The following THSD7B variants were observed in gnomAD, a reference collection of about 807,000 sequenced individuals.
THSD7B encodes thrombospondin type-1 domain-containing protein 7B.
THSD7B carries 138 observed loss-of-function variants against 213.6 expected under a neutral mutation model. The observed-to-expected ratio is 0.65, with a 90% CI of 0.56 to 0.74. The LOEUF is 0.74. THSD7B is among the 30% of genes least tolerant of loss of function. THSD7B has a pLI of 0.00. For synonymous variants in THSD7B, 742 were observed against 687.0 expected (o/e 1.08, Z -1.25); for missense variants, 1,931 against 1,991.5 (o/e 0.97, Z 0.58).
intron 14 of THSD7B, among the ~76,000 whole-genome samples, chr2:137,438,348 G>A (rs560969704): frequency 1.9e-4 from 29 of 152,074 alleles, no homozygotes; most frequent in East Asian, 3.9e-4. Flanking sequence ...GGTCAATACC[G>A]TTTAATGCTC....
At chr2:137,071,032 T>C (rs1037502991) in intron 3 of THSD7B, among the ~76,000 whole-genome samples, 1 of 152,206 alleles carries the variant, frequency 6.6e-6, no homozygotes, top group Non-Finnish European at 1.5e-5. Context: ...TACGTGTGCA[T>C]GTGTCTTTAT....
chr2:137,326,250 G>A (rs1015282274), intron 12 of THSD7B, among the ~76,000 whole-genome samples: 2 of 152,164 alleles, frequency 1.3e-5, no homozygotes, highest in Non-Finnish European at 2.9e-5. Context: ...ATGCCCTTCA[G>A]AAGGGTAAGA....
At chr2:137,537,046 C>A (rs960997093) in intron 15 of THSD7B, among the ~76,000 whole-genome samples, 3 of 151,730 alleles carry the variant, frequency 2.0e-5, no homozygotes, top group African/African-American at 7.3e-5. Flanking sequence ...TCTGGACAAA[C>A]CAAAATGCGT....
chr2:137,208,550 A>T (rs957634936), intron 7 of THSD7B, among the ~76,000 whole-genome samples: 12 of 151,892 alleles, frequency 7.9e-5, no homozygotes, highest in African/African-American at 2.9e-4. Flanking sequence ...ATTTAACTTA[A>T]CCACCCAGCA....
intron 1 of THSD7B, among the ~76,000 whole-genome samples, chr2:136,852,093 C>T (rs938476550): frequency 6.6e-6 from 1 of 151,884 alleles, no homozygotes; most frequent in East Asian, 1.9e-4. Context: ...TTTAAATGGG[C>T]CCAATCTAAT....
At chr2:136,776,960 G>C (rs930088748) in intron 1 of THSD7B, among the ~76,000 whole-genome samples, 2 of 152,036 alleles carry the variant, frequency 1.3e-5, no homozygotes, top group African/African-American at 4.8e-5. Flanking sequence ...GGAGAGAAGA[G>C]GAGGCAAACG....
intron 14 of THSD7B, among the ~76,000 whole-genome samples, chr2:137,444,827 A>G (rs1330831216): frequency 1.3e-5 from 2 of 152,210 alleles, no homozygotes; most frequent in East Asian, 3.9e-4. Flanking sequence ...CAAAATGAAG[A>G]GACAACCTAC....
At chr2:137,317,347 C>T (rs896730527) in intron 12 of THSD7B, among the ~76,000 whole-genome samples, 2 of 152,116 alleles carry the variant, frequency 1.3e-5, no homozygotes, top group African/African-American at 4.8e-5. Flanking sequence ...TTCTCGTAAA[C>T]CTCTTTATAA....
rs181339513 is a variant in THSD7B at position 137,178,694 on chromosome 2, G to A, written c.1723+7756G>A. Reference sequence around the variant, plus strand: ...ATTTGACGTGAAGGTGGGAGTAGATGTAAACTGGTGAATCAATTTAAATGC... The same window carrying A: ...ATTTGACGTGAAGGTGGGAGTAGATATAAACTGGTGAATCAATTTAAATGC... On this transcript the variant is annotated intron_variant, in intron 7 of 27. Transcript: ENST00000409968. 1.9e-3 allele frequency among the ~76,000 whole-genome samples: 295 copies of A among 152,332 alleles called. 3 individuals carry two copies. Among genetic ancestry groups the A allele is most frequent in the Non-Finnish European group, 1.7e-3 (119 of 68,024 alleles).
chr2:137,313,016 A>G (rs1395612965), intron 12 of THSD7B, among the ~76,000 whole-genome samples: 2 of 150,374 alleles, frequency 1.3e-5, no homozygotes, highest in Admixed American at 6.6e-5. Context: ...GTAGATGTCT[A>G]TTAGGTCCGC....
intron 11 of THSD7B, among the ~76,000 whole-genome samples, chr2:137,274,970 C>T (rs914965970): frequency 2.0e-5 from 3 of 151,988 alleles, no homozygotes; most frequent in Non-Finnish European, 2.9e-5. Context: ...TTATGTTTCT[C>T]ACTGCTTTTT....
chr2:137,310,652 G>A (rs939001177), intron 12 of THSD7B, among the ~76,000 whole-genome samples: 4 of 152,032 alleles, frequency 2.6e-5, no homozygotes, highest in Non-Finnish European at 4.4e-5. Context: ...AAGGTTTAAG[G>A]CTTTAATCCA....
intron 9 of THSD7B, among the ~76,000 whole-genome samples, chr2:137,238,966 A>C (rs1041992044): frequency 6.6e-6 from 1 of 152,186 alleles, no homozygotes; most frequent in African/African-American, 2.4e-5. Flanking sequence ...CACTAATAAG[A>C]ATGAATTAGC....
In THSD7B at chr2:137,488,020, C is replaced by T. The variant is rs1286792299; in HGVS notation, c.3138+36997C>T. 1.6e-4 allele frequency among the ~76,000 whole-genome samples: 2 copies of T among 12,422 alleles called. 1 individual carries two copies. Among genetic ancestry groups the T allele is most frequent in the Non-Finnish European group, 7.1e-4 (2 of 2,800 alleles). 8.1% of individuals were successfully genotyped at this position (12,422 alleles called of 152,430 possible). ...CCTCGTGATCCGCCCGCCTCGGCCT[C>T]CCAAAGTGCTGGGATTACAGGCGTG... On this transcript the variant is annotated intron_variant, in intron 15 of 27. Coordinates refer to ENST00000409968, the MANE Select transcript of THSD7B (RefSeq NM_001316349.2).
intron 14 of THSD7B, among the ~76,000 whole-genome samples, chr2:137,446,498 T>A (rs1179887346): frequency 6.6e-6 from 1 of 152,066 alleles, no homozygotes; most frequent in Non-Finnish European, 1.5e-5. Context: ...TATTAATGCA[T>A]CCTATTCAGT....
intron 1 of THSD7B, among the ~76,000 whole-genome samples, chr2:136,851,586 A>C (rs1372272793): frequency 6.6e-6 from 1 of 152,152 alleles, no homozygotes; most frequent in African/African-American, 2.4e-5. Context: ...GTCAGCTGGA[A>C]ATTAGCTGAT....
At position 137,257,746 on chromosome 2, in the gene THSD7B, C is replaced by T. The variant is rs139084633; in HGVS notation, c.2267-14787C>T. On this transcript the variant is annotated intron_variant, in intron 10 of 27. Coordinates refer to ENST00000409968, the MANE Select transcript of THSD7B (RefSeq NM_001316349.2). ...AATTTCTGGGAAGAGTTGCCATTAA[C>T]TCAGATTATTTTATTGGATTGCATT... Among the ~76,000 whole-genome samples the T allele has an allele frequency of 7.2e-5, 11 of 152,260 alleles. No homozygotes were observed. The East Asian group carries it at 2.1e-3, about 29-fold the overall frequency.
intron 15 of THSD7B, among the ~76,000 whole-genome samples, chr2:137,477,962 T>C (rs777078052): frequency 2.0e-5 from 3 of 152,158 alleles, no homozygotes; most frequent in Non-Finnish European, 4.4e-5. Context: ...ATTAGTCTAA[T>C]GGAGATTCCC....
chr2:137,365,542 C>A (rs916141488), intron 12 of THSD7B, among the ~76,000 whole-genome samples: 1 of 151,846 alleles, frequency 6.6e-6, no homozygotes, highest in African/African-American at 2.4e-5. Flanking sequence ...AACAAATTTA[C>A]AAGAAAAAAT....
Sources: gnomAD v4.1 joint callset for allele counts (sites outside exome capture counted in the v4.1 genomes callset) on GRCh38, gnomAD v4.1.1 for gene constraint, MANE v1.5 for transcripts, NCBI Gene and HGNC (gene_info 2026-07-23, HGNC 2026-07-21) for gene names.